MAPK10: variants seen among roughly 807,000 people sequenced by gnomAD.
MAPK10 encodes mitogen-activated protein kinase 10, also known as JNK3 alpha protein kinase.
MAPK10 carries 25 observed loss-of-function variants against 59.3 expected under a neutral mutation model. The observed-to-expected ratio is 0.42, with a 90% CI of 0.31 to 0.59. MAPK10 has a LOEUF of 0.59. Among genes scored for constraint, MAPK10 ranks in the 20% least tolerant of loss-of-function variants. MAPK10 has a pLI of 0.15. For missense variants in MAPK10, 351 were observed against 568.9 expected (o/e 0.62, Z 3.90); for synonymous variants, 190 against 200.5 (o/e 0.95, Z 0.44).
intron 2 of MAPK10, among the ~76,000 whole-genome samples, chr4:86,315,175 A>C (rs1029519239): frequency 1.3e-5 from 2 of 152,062 alleles, no homozygotes; most frequent in Non-Finnish European, 2.9e-5. Context: ...TTACTTATTT[A>C]TGTGATCTAA....
intron 4 of MAPK10, among the ~76,000 whole-genome samples, chr4:86,110,752 T>G (rs2057350658): frequency 6.6e-6 from 1 of 152,202 alleles, no homozygotes; most frequent in African/African-American, 2.4e-5. Context: ...TAAATAGTTT[T>G]TTCTAATTCT....
chr4:86,154,440 T>A (rs2067200122), intron 4 of MAPK10, among the ~76,000 whole-genome samples: 1 of 152,138 alleles, frequency 6.6e-6, no homozygotes, highest in Non-Finnish European at 1.5e-5. Flanking sequence ...TTTTATTAAA[T>A]CCCATGCTCT....
At chr4:86,346,459 TACAGACATA>T (rs1470019549) in intron 2 of MAPK10, among the ~76,000 whole-genome samples, 1 of 152,174 alleles carries the variant, frequency 6.6e-6, no homozygotes, top group Non-Finnish European at 1.5e-5. Context: ...GTGTGTTCAG[TACAGACATA>T]ACCATCATAG....
chr4:86,070,355 T>A (rs917235947), intron 9 of MAPK10, among the ~76,000 whole-genome samples: 2 of 152,144 alleles, frequency 1.3e-5, no homozygotes, highest in Admixed American at 1.3e-4. Flanking sequence ...TTTCTTTTTT[T>A]TTTTGTAGCA....
upstream of MAPK10, among the ~76,000 whole-genome samples, chr4:86,363,611 A>G (rs1488224665): frequency 6.6e-6 from 1 of 152,196 alleles, no homozygotes; most frequent in Non-Finnish European, 1.5e-5. Context: ...TCAAATTAAC[A>G]TAACTGAGAC....
At chr4:86,505,188 A>G (rs1299487499) in intron 1 of MAPK10, among the ~76,000 whole-genome samples, 34 of 152,184 alleles carry the variant, frequency 2.2e-4, no homozygotes, top group Admixed American at 2.2e-3. Flanking sequence ...CAGCAATTTA[A>G]TACACATTTT....
chr4:86,459,911 T>C (rs1579295733), intron 1 of MAPK10, among the ~76,000 whole-genome samples: 6 of 151,648 alleles, frequency 4.0e-5, no homozygotes, highest in East Asian at 3.9e-4. Flanking sequence ...CAATAACTTA[T>C]GGAAATAAAA....
chr4:86,521,488 G>A (rs1192855179), intron 1 of MAPK10, among the ~76,000 whole-genome samples: 1 of 152,086 alleles, frequency 6.6e-6, no homozygotes. Flanking sequence ...CCACTGTCGG[G>A]GATGGGGGTG....
At chr4:86,053,313 G>A (rs186379368) in intron 11 of MAPK10, among the ~76,000 whole-genome samples, 2 of 152,264 alleles carry the variant, frequency 1.3e-5, no homozygotes, top group African/African-American at 2.4e-5. Flanking sequence ...ATGGGTAGGA[G>A]TGCCTTAGAG....
chr4:86,501,470 C>G (rs1755318286), intron 1 of MAPK10, among the ~76,000 whole-genome samples: 2 of 152,014 alleles, frequency 1.3e-5, no homozygotes, highest in Non-Finnish European at 2.9e-5. Context: ...CAAGTTAAAA[C>G]AGCTCTGTAT....
At chr4:86,216,656 G>A (rs2087744879) in intron 2 of MAPK10, among the ~76,000 whole-genome samples, 1 of 151,570 alleles carries the variant, frequency 6.6e-6, no homozygotes, top group Non-Finnish European at 1.5e-5. Flanking sequence ...AACACTAAAT[G>A]TTCAATAAAA....
intron 1 of MAPK10, among the ~76,000 whole-genome samples, chr4:86,451,942 G>A (rs1046855102): frequency 3.3e-5 from 5 of 152,270 alleles, no homozygotes; most frequent in South Asian, 4.1e-4. Context: ...AATCGAACAC[G>A]ATATGAACAG....
At position 86,153,726 on chromosome 4, in the gene MAPK10, T is replaced by C. The variant is rs186358507; in HGVS notation, c.236+5572A>G. Among the ~76,000 whole-genome samples, 402 of 152,248 alleles carry C rather than the reference T, an allele frequency of 2.6e-3. 1 individual carries two copies. Among genetic ancestry groups the C allele is most frequent in the African/African-American group, 8.9e-3 (370 of 41,546 alleles). On this transcript the variant is annotated intron_variant, in intron 4 of 13. Coordinates refer to ENST00000641462, the MANE Select transcript of MAPK10 (RefSeq NM_138982.4). ...AGTCTTATTGATCAATTGAGAAATATGGTAAATATGTGTGGCCTGTACTGT... is the reference window on the plus strand; with the variant it reads ...AGTCTTATTGATCAATTGAGAAATACGGTAAATATGTGTGGCCTGTACTGT...
intron 3 of MAPK10, chr4:86,171,116 A>C (rs1194702801): frequency 6.6e-6 from 1 of 151,992 alleles, no homozygotes; most frequent in Non-Finnish European, 1.5e-5. Flanking sequence ...CCCACAAGAG[A>C]AAGCAGGAAA....
In MAPK10 at chr4:86,211,910, A is replaced by G. The variant is rs764563306; in HGVS notation, c.-6-17503T>C. Reference sequence around the variant, plus strand: ...GCTACAACTTCAACATATTAAATGTATTCCCCATGCTAGACACATACAAAA... The same window carrying G: ...GCTACAACTTCAACATATTAAATGTGTTCCCCATGCTAGACACATACAAAA... On this transcript the variant is annotated intron_variant, in intron 2 of 13. Coordinates refer to ENST00000641462, the MANE Select transcript of MAPK10 (RefSeq NM_138982.4). Among the ~76,000 whole-genome samples, 21 of 152,276 alleles carry G rather than the reference A, an allele frequency of 1.4e-4. No individual in the cohort carries two copies. The Middle Eastern group carries it at 0.01, about 74-fold the overall frequency.
chr4:86,241,292 G>T (rs2092706241), intron 2 of MAPK10, among the ~76,000 whole-genome samples: 1 of 152,036 alleles, frequency 6.6e-6, no homozygotes, highest in African/African-American at 2.4e-5. Context: ...TTCAACCTTG[G>T]AGAATCTGAT....
intron 2 of MAPK10, among the ~76,000 whole-genome samples, chr4:86,350,473 C>T (rs1389637693): frequency 3.3e-5 from 5 of 152,274 alleles, no homozygotes; most frequent in Admixed American, 3.3e-4. Flanking sequence ...CTCGGCCTCC[C>T]AAAGTGCTGG....
chr4:86,478,144 T>C (rs1753277090), intron 1 of MAPK10, among the ~76,000 whole-genome samples: 1 of 152,220 alleles, frequency 6.6e-6, no homozygotes, highest in Middle Eastern at 3.2e-3. Context: ...ACTTTCGACT[T>C]TGGATACCTG....
intron 3 of MAPK10, 92 bp downstream of exon 3, chr4:86,194,244 T>C: frequency 2.1e-6 from 2 of 970,862 alleles, no homozygotes; most frequent in South Asian, 1.4e-5. Flanking sequence ...ATATAAATAC[T>C]GACTTTGGTG....
Sources: gnomAD v4.1 joint callset for allele counts (sites outside exome capture counted in the v4.1 genomes callset) on GRCh38, gnomAD v4.1.1 for gene constraint, MANE v1.5 for transcripts, NCBI Gene and HGNC (gene_info 2026-07-23, HGNC 2026-07-21) for gene names.